PRKN: variants seen among roughly 807,000 people sequenced by gnomAD.
PRKN encodes the protein parkin RBR E3 ubiquitin protein ligase, also known as E3 ubiquitin-protein ligase parkin.
Under a neutral mutation model 59.5 loss-of-function variants are expected in PRKN, and 56 were observed. The ratio of observed to expected loss-of-function variants is 0.94; its 90% CI spans 0.76 to 1.18. PRKN has a LOEUF of 1.18. PRKN is among the 50% of genes most tolerant of loss of function. PRKN has a pLI of 0.00. For synonymous variants in PRKN, 250 were observed against 222.1 expected, an observed-to-expected ratio of 1.13 and a Z score of -1.12; for missense variants, 657 against 596.4, an observed-to-expected ratio of 1.10 and a Z score of -1.06.
chr6:162,090,204 T>C (rs1779423926), intron 4 of PRKN, among the ~76,000 whole-genome samples: 1 of 152,118 alleles, frequency 6.6e-6, no homozygotes, highest in Admixed American at 6.6e-5. Context: ...TAAGGAAGGA[T>C]GTATGTCTAG....
intron 7 of PRKN, among the ~76,000 whole-genome samples, chr6:161,727,247 C>A (rs944027029): frequency 6.6e-6 from 1 of 152,162 alleles, no homozygotes; most frequent in South Asian, 2.1e-4. Context: ...GCCGTCCAAC[C>A]AACCCCTGCA....
intron 7 of PRKN, among the ~76,000 whole-genome samples, chr6:161,654,544 T>C (rs927558338): frequency 6.6e-6 from 1 of 152,204 alleles, no homozygotes; most frequent in East Asian, 1.9e-4. Context: ...GTCTCCTTTC[T>C]GGTCTGTCAG....
Position 161,545,990 on chromosome 6 carries a change from G to A in PRKN, c.1083+2864C>T, listed in dbSNP as rs917951611. ...ATTTAGGAAAAGCAATTATTTGAAAGGCTAAAAATAGTAAGGTCTAGGTGC... is the reference window on the plus strand; with the variant it reads ...ATTTAGGAAAAGCAATTATTTGAAAAGCTAAAAATAGTAAGGTCTAGGTGC... On this transcript the variant is annotated intron_variant, in intron 9 of 11. Coordinates refer to ENST00000366898, the MANE Select transcript of PRKN (RefSeq NM_004562.3). This position sits in a 1 kb window ranked among gnomAD's most constrained non-coding sequence, Gnocchi z 4.1. 2.6e-5 allele frequency among the ~76,000 whole-genome samples: 4 copies of A among 152,182 alleles called. No individual in the cohort carries two copies. Among genetic ancestry groups the A allele is most frequent in the Non-Finnish European group, 4.4e-5 (3 of 68,026 alleles).
chr6:162,440,070 T>C (rs1789979480), intron 2 of PRKN, among the ~76,000 whole-genome samples: 1 of 152,168 alleles, frequency 6.6e-6, no homozygotes, highest in South Asian at 2.1e-4. Context: ...CTACTCCAGC[T>C]TCCCAGAAGC....
At chr6:162,563,747 A>C in intron 1 of PRKN, among the ~76,000 whole-genome samples, 1 of 152,228 alleles carries the variant, frequency 6.6e-6, no homozygotes, top group South Asian at 2.1e-4. Context: ...AGCTGTGCTA[A>C]GAAAACACAA....
intron 1 of PRKN, among the ~76,000 whole-genome samples, chr6:162,556,286 TTTGATCAGAGGCAA>T (rs892828226): frequency 1.3e-5 from 2 of 150,808 alleles, no homozygotes; most frequent in Non-Finnish European, 2.9e-5. Context: ...TGAGAACAGC[TTTGATCAGAGGCAA>T]CTGAAGGCGG....
chr6:162,400,357 C>G (rs1244345079), intron 2 of PRKN, among the ~76,000 whole-genome samples: 1 of 144,642 alleles, frequency 6.9e-6, no homozygotes, highest in Non-Finnish European at 1.5e-5. Context: ...GTTTGTGGAG[C>G]AAAAGAATCT....
intron 9 of PRKN, among the ~76,000 whole-genome samples, chr6:161,506,684 G>T (rs966951813): frequency 6.6e-6 from 1 of 152,156 alleles, no homozygotes; most frequent in African/African-American, 2.4e-5. Flanking sequence ...TGGCTGTGGG[G>T]ACCTAACTGG....
intron 5 of PRKN, among the ~76,000 whole-genome samples, chr6:162,047,474 G>A (rs941539395): frequency 6.6e-6 from 1 of 151,852 alleles, no homozygotes; most frequent in Non-Finnish European, 1.5e-5. Context: ...CTATCTCAGG[G>A]ACACTTTTCA....
chr6:161,775,336 A>C (rs1789877130), intron 7 of PRKN, among the ~76,000 whole-genome samples: 1 of 152,064 alleles, frequency 6.6e-6, no homozygotes, highest in East Asian at 1.9e-4. Context: ...TCAGCCTCCC[A>C]AGCTCAAGCA....
rs1210431391 is a variant in PRKN, at chr6:161,471,486, A to G, written c.1083+77368T>C. ...AATCAAAACAACAAATCTTCAAGAC[A>G]TGAAAAAGAAAGAAATGGAGAAATA... On this transcript the variant is annotated intron_variant, in intron 9 of 11. Coordinates refer to ENST00000366898, the MANE Select transcript of PRKN (RefSeq NM_004562.3). This position sits in a 1 kb window ranked among gnomAD's most constrained non-coding sequence, Gnocchi z 4.5. 2.0e-5 allele frequency among the ~76,000 whole-genome samples: 3 copies of G among 152,242 alleles called. No homozygotes were observed. Among genetic ancestry groups the G allele is most frequent in the Admixed American group, 1.3e-4 (2 of 15,286 alleles).
At chr6:162,532,368 T>G (rs761265393) in intron 1 of PRKN, among the ~76,000 whole-genome samples, 2 of 152,254 alleles carry the variant, frequency 1.3e-5, no homozygotes, top group Non-Finnish European at 2.9e-5. Context: ...ACACATCTCA[T>G]AGTGCACATC....
chr6:161,563,210 C>T (rs978370453), intron 8 of PRKN, among the ~76,000 whole-genome samples: 2 of 152,088 alleles, frequency 1.3e-5, no homozygotes, highest in Non-Finnish European at 1.5e-5. Context: ...TATTTGTTTT[C>T]ATCCTAGCAT....
chr6:161,433,693 G>T (rs6926716), intron 9 of PRKN, among the ~76,000 whole-genome samples: 20,547 of 152,008 alleles, frequency 0.14, 1,596 homozygotes, highest in Non-Finnish European at 0.17. Context: ...TCATTTAAAA[G>T]ATTGCTGTCT....
intron 7 of PRKN, among the ~76,000 whole-genome samples, chr6:161,733,496 T>C (rs1219712165): frequency 6.6e-6 from 1 of 152,122 alleles, no homozygotes; most frequent in Non-Finnish European, 1.5e-5. Context: ...CTACAGGTAG[T>C]AAACTTTGGG....
At chr6:162,309,821 C>G (rs1261947846) in intron 2 of PRKN, among the ~76,000 whole-genome samples, 1 of 151,998 alleles carries the variant, frequency 6.6e-6, no homozygotes, top group Non-Finnish European at 1.5e-5. Context: ...GGTATTAAGC[C>G]AAGTATCTAT....
At chr6:162,199,970 G>A (rs561217784) in intron 4 of PRKN, among the ~76,000 whole-genome samples, 1 of 152,018 alleles carries the variant, frequency 6.6e-6, no homozygotes, top group Non-Finnish European at 1.5e-5. Context: ...TCTTTCACCT[G>A]TCCCCATCTT....
At chr6:161,630,133 T>C (rs73782957) in intron 7 of PRKN, among the ~76,000 whole-genome samples, 33 of 152,336 alleles carry the variant, frequency 2.2e-4, no homozygotes, top group African/African-American at 7.9e-4. Flanking sequence ...GGCATAGGTT[T>C]TTACTGTGTA....
chr6:161,887,445 TC>T (rs1342882632), intron 6 of PRKN, among the ~76,000 whole-genome samples: 2 of 151,970 alleles, frequency 1.3e-5, no homozygotes, highest in Admixed American at 6.6e-5. Flanking sequence ...GGACTATAAA[TC>T]CTATTTGTAC....
Sources: allele counts gnomAD v4.1 joint callset (sites outside exome capture counted in the v4.1 genomes callset), GRCh38; gene constraint gnomAD v4.1.1; non-coding constraint Gnocchi (gnomAD v3.1); transcripts MANE v1.5; gene names NCBI Gene and HGNC (gene_info 2026-07-23, HGNC 2026-07-21).